The following NR3C2 variants were observed in gnomAD, a reference collection of about 807,000 sequenced individuals.
The protein encoded by NR3C2 is nuclear receptor subfamily 3 group C member 2, also known as mineralocorticoid receptor.
NR3C2 carries 15 observed loss-of-function variants against 86.4 expected under a neutral mutation model. The ratio of observed to expected loss-of-function variants is 0.17; its 90% CI spans 0.12 to 0.27. The LOEUF (loss-of-function observed/expected upper bound fraction) is 0.27. Among genes scored for constraint, NR3C2 ranks in the 10% least tolerant of loss-of-function variants. NR3C2 has a pLI of 1.00. For missense variants in NR3C2, 960 were observed against 1,195.6 expected (o/e 0.80, Z 2.91); for synonymous variants, 458 against 450.5 (o/e 1.02, Z -0.21).
intron 4 of NR3C2, among the ~76,000 whole-genome samples, chr4:148,194,373 A>G (rs1242638768): frequency 6.6e-6 from 1 of 152,180 alleles, no homozygotes; most frequent in Non-Finnish European, 1.5e-5. Context: ...TTAGGTATGT[A>G]CTCTATGTGG....
At chr4:148,082,366 G>A (rs762850874) in intron 8 of NR3C2, among the ~76,000 whole-genome samples, 9 of 152,144 alleles carry the variant, frequency 5.9e-5, no homozygotes, top group Non-Finnish European at 1.0e-4. Context: ...TGAGGTACCC[G>A]GCTTATCTCA....
chr4:148,198,315 T>A (rs755765903), intron 3 of NR3C2, among the ~76,000 whole-genome samples: 9 of 152,186 alleles, frequency 5.9e-5, no homozygotes, highest in Non-Finnish European at 1.2e-4. Context: ...CAATAAAAAT[T>A]GTCTTTTACA....
At chr4:148,304,042 A>T (rs183842832) in intron 2 of NR3C2, among the ~76,000 whole-genome samples, 10 of 152,312 alleles carry the variant, frequency 6.6e-5, no homozygotes, top group African/African-American at 2.4e-4. Flanking sequence ...AGGGGAAGAG[A>T]AAAGAACCAG....
At chr4:148,109,837 G>T (rs1245291044) in intron 8 of NR3C2, among the ~76,000 whole-genome samples, 1 of 152,064 alleles carries the variant, frequency 6.6e-6, no homozygotes, top group Non-Finnish European at 1.5e-5. Context: ...TAGGAAAAGG[G>T]CAATTTTTGC....
chr4:148,277,745 C>T (rs978104226), intron 2 of NR3C2, among the ~76,000 whole-genome samples: 36 of 152,070 alleles, frequency 2.4e-4, no homozygotes, highest in African/African-American at 8.0e-4. Flanking sequence ...ATAATCTGTA[C>T]CTCAGGAAGG....
At chr4:148,168,893 T>C (rs972736513) in intron 4 of NR3C2, among the ~76,000 whole-genome samples, 1 of 152,194 alleles carries the variant, frequency 6.6e-6, no homozygotes, top group Non-Finnish European at 1.5e-5. Context: ...TGTGCCTATG[T>C]TTAGTAATCA....
chr4:148,365,248 G>C (rs1027068041), intron 2 of NR3C2, among the ~76,000 whole-genome samples: 3 of 152,194 alleles, frequency 2.0e-5, no homozygotes, highest in African/African-American at 7.2e-5. Flanking sequence ...AATATACTGT[G>C]TTGGGGACCT....
intron 2 of NR3C2, among the ~76,000 whole-genome samples, chr4:148,347,372 A>C (rs949300237): frequency 1.3e-5 from 2 of 152,016 alleles, no homozygotes; most frequent in Non-Finnish European, 2.9e-5. Context: ...ACCATGTCTG[A>C]AAACAAATTA....
At chr4:148,429,539 A>G (rs72645612) in intron 2 of NR3C2, among the ~76,000 whole-genome samples, 3 of 152,248 alleles carry the variant, frequency 2.0e-5, no homozygotes, top group Non-Finnish European at 4.4e-5. Flanking sequence ...GGCCTTAGCC[A>G]TACCACTAAC....
chr4:148,375,381 G>A (rs1050630822), intron 2 of NR3C2, among the ~76,000 whole-genome samples: 15 of 151,858 alleles, frequency 9.9e-5, no homozygotes, highest in South Asian at 8.3e-4. Context: ...GCTTGAACCC[G>A]GGAGGTGGAG....
intron 2 of NR3C2, among the ~76,000 whole-genome samples, chr4:148,330,164 C>A (rs917326928): frequency 6.6e-6 from 1 of 152,092 alleles, no homozygotes; most frequent in Non-Finnish European, 1.5e-5. Flanking sequence ...TTTAACACCT[C>A]GACACTGTTT....
chr4:148,396,760 C>T (rs1262192959), intron 2 of NR3C2, among the ~76,000 whole-genome samples: 1 of 152,142 alleles, frequency 6.6e-6, no homozygotes, highest in East Asian at 1.9e-4. Context: ...TAGCTGAAAA[C>T]ATTACACTCT....
rs377285406 is a variant in NR3C2 at position 148,353,508 on chromosome 4, C to G, written c.1757+81596G>C. Among the ~76,000 whole-genome samples the G allele has an allele frequency of 2.7e-4, 41 of 152,070 alleles. 1 individual carries two copies. The highest frequency in any genetic ancestry group is 9.4e-4 in the African/African-American group (39 of 41,502). ...AACACTGGAAAATGTTCATGAGATA[C>G]CGCAAATGCAAGTGGTTACTAAAGG... On this transcript the variant is annotated intron_variant, in intron 2 of 8. Transcript: ENST00000358102.
At chr4:148,169,467 T>C (rs532587224) in intron 4 of NR3C2, among the ~76,000 whole-genome samples, 6 of 151,830 alleles carry the variant, frequency 4.0e-5, no homozygotes, top group Non-Finnish European at 8.8e-5. Flanking sequence ...ATGTAGCTAC[T>C]TCAACAACTC....
intron 4 of NR3C2, among the ~76,000 whole-genome samples, chr4:148,164,927 T>C (rs1016510599): frequency 2.0e-5 from 3 of 152,152 alleles, no homozygotes; most frequent in African/African-American, 7.2e-5. Context: ...AGTTAAACGC[T>C]GGAACCTACA....
At chr4:148,307,586 C>T (rs1273840019) in intron 2 of NR3C2, among the ~76,000 whole-genome samples, 1 of 152,144 alleles carries the variant, frequency 6.6e-6, no homozygotes, top group Non-Finnish European at 1.5e-5. Context: ...CAAAGCCAAA[C>T]ATGCCCATGT....
At chr4:148,252,566 A>G (rs1218291529) in intron 3 of NR3C2, among the ~76,000 whole-genome samples, 1 of 152,196 alleles carries the variant, frequency 6.6e-6, no homozygotes, top group African/African-American at 2.4e-5. Context: ...TACAAATCAG[A>G]TGAAAAGAGC....
At chr4:148,213,281 T>C (rs2149818687) in intron 3 of NR3C2, among the ~76,000 whole-genome samples, 1 of 152,130 alleles carries the variant, frequency 6.6e-6, no homozygotes, top group South Asian at 2.1e-4. Context: ...AACAAAGTCA[T>C]GGAAATTCAT....
intron 2 of NR3C2, among the ~76,000 whole-genome samples, chr4:148,287,877 A>G (rs1194645108): frequency 6.6e-6 from 1 of 152,186 alleles, no homozygotes; most frequent in East Asian, 1.9e-4. Flanking sequence ...AAAGGTGCCA[A>G]CTACATGCTA....
Sources: gnomAD v4.1 joint callset for allele counts (sites outside exome capture counted in the v4.1 genomes callset) on GRCh38, gnomAD v4.1.1 for gene constraint, MANE v1.5 for transcripts, NCBI Gene and HGNC (gene_info 2026-07-23, HGNC 2026-07-21) for gene names.